Variants in JMJD1C observed in about 807,000 individuals in gnomAD.
JMJD1C encodes jumonji domain containing 1C.
A neutral mutation model predicts 245.3 loss-of-function variants in JMJD1C; 31 were observed. The observed-to-expected ratio is 0.13, with a 90% CI of 0.09 to 0.17. JMJD1C has a LOEUF of 0.17. Ranked by LOEUF, JMJD1C falls within the 10% of genes least tolerant of loss-of-function variation. The probability of loss-of-function intolerance (pLI) is 1.00; values close to 1 mark genes in which losing one functional copy is unlikely to be tolerated. For synonymous variants in JMJD1C, 1,057 were observed against 1,017.4 expected (o/e 1.04, Z -0.74); for missense variants, 2,691 against 3,000.2 (o/e 0.90, Z 2.41).
intron 3 of JMJD1C, among the ~76,000 whole-genome samples, chr10:63,232,527 A>G (rs536623150): frequency 2.0e-5 from 3 of 152,316 alleles, no homozygotes; most frequent in South Asian, 4.1e-4. Context: ...GTTATGAAGG[A>G]AAAAAATTCC....
intron 2 of JMJD1C, among the ~76,000 whole-genome samples, chr10:63,299,505 AT>A (rs918796933): frequency 1.3e-5 from 2 of 152,008 alleles, no homozygotes; most frequent in Admixed American, 6.6e-5. Flanking sequence ...ATTTCTTATT[AT>A]AGTTTCTCAG....
intron 2 of JMJD1C, among the ~76,000 whole-genome samples, chr10:63,350,547 T>C (rs569269523): frequency 3.9e-5 from 6 of 152,104 alleles, no homozygotes; most frequent in Admixed American, 1.3e-4. Flanking sequence ...TGTAGAGATA[T>C]GAAAATAGAA....
intron 2 of JMJD1C, among the ~76,000 whole-genome samples, chr10:63,341,078 TCA>T (rs2134228976): frequency 6.6e-6 from 1 of 152,312 alleles, no homozygotes; most frequent in Admixed American, 6.5e-5. Context: ...TCCAACAGTG[TCA>T]CAGTGAACAA....
At chr10:63,320,391 G>C (rs756571022) in intron 2 of JMJD1C, among the ~76,000 whole-genome samples, 15 of 151,254 alleles carry the variant, frequency 9.9e-5, no homozygotes, top group African/African-American at 1.7e-4. Context: ...TCTTTCCTTT[G>C]AATGTTTTAT....
chr10:63,200,517 T>G lies in JMJD1C; in HGVS notation c.5235A>C (p.Pro1745=). The stretch of plus-strand genomic sequence containing the variant: ...ATCTACAAAATACTGGTGAGTGAGC[T>G]GGTTCTTCTCCTTTTTTACTGCGAA... ...RLIRSKKGEE[P]AHSPVFCRFY... is the part of the protein sequence containing the mutation. The change falls in exon 11 of 26, where the codon CCA becomes CCC. Residue 1745 remains proline, a synonymous_variant. Transcript: ENST00000399262. The G allele has an allele frequency of 6.2e-7, 1 of 1,614,006 alleles. No homozygotes were observed. Among genetic ancestry groups the G allele is most frequent in the Non-Finnish European group, 8.5e-7 (1 of 1,179,912 alleles).
chr10:63,468,580 C>CATAT (rs575913059), upstream of JMJD1C, among the ~76,000 whole-genome samples: 121 of 152,220 alleles, frequency 7.9e-4, no homozygotes, highest in African/African-American at 2.7e-3. Context: ...TTTCATTATA[C>CATAT]AGGTAAAAAG....
chr10:63,203,232 T>G, intron 10 of JMJD1C: 1 of 982,718 alleles, frequency 1.0e-6, no homozygotes, highest in Non-Finnish European at 1.2e-6. Flanking sequence ...ATTTGTACAA[T>G]AAATAAAACT....
intron 1 of JMJD1C, chr10:63,521,323 A>AGGCTGCCG (rs1483352226): frequency 3.6e-5 from 5 of 139,442 alleles, no homozygotes; most frequent in East Asian, 4.2e-4. Context: ...TGTCCGGACT[A>AGGCTGCCG]GGCTGCCGGG....
At position 63,174,834 on chromosome 10, in the gene JMJD1C, C is replaced by CA. The variant is rs567277181; in HGVS notation, c.7401+1462dup. On this transcript the variant is annotated intron_variant, in intron 24 of 25. Transcript: ENST00000399262. ...GGGCAACAAGAGCAAGACTCTGTCTCAAAAAAACAAAAAACAAAAAACAAA... is the reference window on the plus strand; with the variant it reads ...GGGCAACAAGAGCAAGACTCTGTCTCAAAAAAAACAAAAAACAAAAAACAAA... Among the ~76,000 whole-genome samples, 552 of 146,368 alleles carry CA rather than the reference C, an allele frequency of 3.8e-3. 4 individuals carry two copies. Among genetic ancestry groups the CA allele is most frequent in the African/African-American group, 0.013 (516 of 39,586 alleles).
chr10:63,203,689 T>C (rs4379723), intron 10 of JMJD1C: 453,874 of 979,990 alleles, frequency 0.46, 106,583 homozygotes, highest in South Asian at 0.54. Flanking sequence ...AACAAAAAGG[T>C]AGCAGAGAGG....
At chr10:63,204,604 T>C in intron 10 of JMJD1C, 1 of 985,326 alleles carries the variant, frequency 1.0e-6, no homozygotes, top group Non-Finnish European at 1.2e-6. Context: ...CTATTATGAA[T>C]TCATGGGGGT....
intron 1 of JMJD1C, among the ~76,000 whole-genome samples, chr10:63,450,183 A>C (rs975296022): frequency 9.2e-5 from 14 of 152,178 alleles, no homozygotes; most frequent in African/African-American, 2.9e-4. Flanking sequence ...GAGAAAGGCA[A>C]AGAAACAATG....
At chr10:63,475,418 A>G (rs145924583) in intron 1 of JMJD1C, among the ~76,000 whole-genome samples, 208 of 152,356 alleles carry the variant, frequency 1.4e-3, no homozygotes, top group Admixed American at 7.3e-3. Context: ...GCTACCTTAA[A>G]AAGTTCGGGT....
chr10:63,202,287 G>T (rs1589134771), intron 10 of JMJD1C: 1 of 984,100 alleles, frequency 1.0e-6, no homozygotes, highest in Non-Finnish European at 1.2e-6. Context: ...GCTATGTTAG[G>T]ATCAGCAATT....
At chr10:63,201,520 G>A (rs1416876669) in intron 10 of JMJD1C, among the ~76,000 whole-genome samples, 1 of 152,090 alleles carries the variant, frequency 6.6e-6, no homozygotes, top group Non-Finnish European at 1.5e-5. Flanking sequence ...TGTTTAATAA[G>A]TACAAGAACA....
intron 2 of JMJD1C, among the ~76,000 whole-genome samples, chr10:63,289,900 T>C (rs1188886481): frequency 6.6e-6 from 1 of 152,066 alleles, no homozygotes; most frequent in African/African-American, 2.4e-5. Flanking sequence ...AAGATGACTG[T>C]ACCCATGTTA....
At chr10:63,184,776 T>C (rs781290928) in intron 20 of JMJD1C, 38 bp from the exon 21 acceptor site, 2 of 1,564,580 alleles carry the variant, frequency 1.3e-6, no homozygotes, top group South Asian at 1.2e-5. Flanking sequence ...TAAATAAAGA[T>C]TTGCATTGCT....
chr10:63,408,448 T>C (rs1213270011), intron 1 of JMJD1C, among the ~76,000 whole-genome samples: 1 of 151,552 alleles, frequency 6.6e-6, no homozygotes, highest in East Asian at 1.9e-4. Flanking sequence ...GGAAAGTTAT[T>C]GTGAAATTTC....
chr10:63,362,823 G>C (rs1945505094), intron 2 of JMJD1C, among the ~76,000 whole-genome samples: 1 of 152,024 alleles, frequency 6.6e-6, no homozygotes, highest in Non-Finnish European at 1.5e-5. Flanking sequence ...TATGATCAGT[G>C]CTTAGAAGAC....
Sources: allele counts gnomAD v4.1 joint callset (sites outside exome capture counted in the v4.1 genomes callset), GRCh38; gene constraint gnomAD v4.1.1; transcripts MANE v1.5; gene names NCBI Gene and HGNC (gene_info 2026-07-23, HGNC 2026-07-21).